The following IGF2BP3 variants were observed in gnomAD, a reference collection of about 807,000 sequenced individuals.
IGF2BP3 encodes the protein insulin like growth factor 2 mRNA binding protein 3.
Under a neutral mutation model 73.8 loss-of-function variants are expected in IGF2BP3, and 9 were observed. The ratio of observed to expected loss-of-function variants is 0.12; its 90% CI spans 0.07 to 0.21. IGF2BP3 has a LOEUF of 0.21. IGF2BP3 is among the 10% of genes least tolerant of loss of function. The probability of loss-of-function intolerance (pLI) is 1.00; values close to 1 mark genes in which losing one functional copy is unlikely to be tolerated. For missense variants in IGF2BP3, 542 were observed against 714.0 expected (o/e 0.76, Z 2.75); for synonymous variants, 258 against 256.7 (o/e 1.01, Z -0.05).
intron 3 of IGF2BP3, among the ~76,000 whole-genome samples, chr7:23,367,974 T>C (rs1293442334): frequency 6.6e-6 from 1 of 151,828 alleles, no homozygotes; most frequent in East Asian, 1.9e-4. Flanking sequence ...CACTCCAGCC[T>C]GGGCAACAGA....
chr7:23,357,744 A>C (rs1785130852), intron 5 of IGF2BP3, among the ~76,000 whole-genome samples: 1 of 152,262 alleles, frequency 6.6e-6, no homozygotes, highest in Non-Finnish European at 1.5e-5. Flanking sequence ...TAAAATGAAC[A>C]CATGTATTAA....
At chr7:23,460,460 A>C (rs2128551234) in intron 2 of IGF2BP3, among the ~76,000 whole-genome samples, 1 of 151,478 alleles carries the variant, frequency 6.6e-6, no homozygotes, top group Admixed American at 6.6e-5. Flanking sequence ...TGAACTCAGG[A>C]GGCAGAGGTT....
At chr7:23,374,788 C>T (rs956053522) in intron 3 of IGF2BP3, among the ~76,000 whole-genome samples, 1 of 152,046 alleles carries the variant, frequency 6.6e-6, no homozygotes, top group East Asian at 1.9e-4. Flanking sequence ...TCTATATTCC[C>T]TAAGTGTCGG....
At chr7:23,455,900 T>A (rs1788305864) in intron 2 of IGF2BP3, among the ~76,000 whole-genome samples, 1 of 152,100 alleles carries the variant, frequency 6.6e-6, no homozygotes, top group South Asian at 2.1e-4. Context: ...TTAGCCAGGA[T>A]GGTCTCAATC....
intron 2 of IGF2BP3, among the ~76,000 whole-genome samples, chr7:23,457,280 A>G (rs1458319685): frequency 1.3e-5 from 2 of 152,012 alleles, no homozygotes; most frequent in Non-Finnish European, 2.9e-5. Flanking sequence ...CCTGGCCAAC[A>G]TGGCAAAACT....
At position 23,311,506 on chromosome 7, in the gene IGF2BP3, A is replaced by C. The variant is rs1456775694; in HGVS notation, c.*856T>G. ...ACCGTCAAAAACTTTCCCAACTATA[A>C]ATGAAAGAATAAATGGTAGTGCTGC... On this transcript the variant is annotated 3_prime_UTR_variant, in exon 15 of 15. Coordinates refer to ENST00000258729, the MANE Select transcript of IGF2BP3 (RefSeq NM_006547.3). 2 of 152,398 alleles carry C rather than the reference A, an allele frequency of 1.3e-5. No homozygotes were observed. The highest frequency in any genetic ancestry group is 3.9e-4 in the East Asian group (2 of 5,190). 9.4% of individuals were successfully genotyped at this position (152,398 alleles called of 1,614,324 possible).
At chr7:23,463,897 A>G (rs1788504977) in intron 2 of IGF2BP3, among the ~76,000 whole-genome samples, 2 of 152,220 alleles carry the variant, frequency 1.3e-5, no homozygotes, top group Non-Finnish European at 2.9e-5. Context: ...CTGATCTTAA[A>G]CTGAGCACTT....
At chr7:23,343,570 C>T in intron 9 of IGF2BP3, 148 bp downstream of exon 9, 1 of 702,636 alleles carries the variant, frequency 1.4e-6, no homozygotes, top group Non-Finnish European at 2.4e-6. Context: ...ATCTTCCCTA[C>T]TATCCCAGGG....
chr7:23,364,247 G>A (rs555760349), intron 3 of IGF2BP3, among the ~76,000 whole-genome samples: 8 of 152,094 alleles, frequency 5.3e-5, no homozygotes, highest in South Asian at 4.2e-4. Context: ...GGTGGTGCGC[G>A]CTTGTAGTCC....
chr7:23,393,502 C>G (rs1477555722), intron 3 of IGF2BP3, among the ~76,000 whole-genome samples: 3 of 152,084 alleles, frequency 2.0e-5, no homozygotes, highest in African/African-American at 7.2e-5. Flanking sequence ...CAATTCTGAA[C>G]CCTACTCTAA....
intron 10 of IGF2BP3, among the ~76,000 whole-genome samples, chr7:23,334,307 G>A (rs1784518000): frequency 6.6e-6 from 1 of 152,106 alleles, no homozygotes; most frequent in African/African-American, 2.4e-5. Context: ...CAGAGCCTGG[G>A]CAACAGAGCG....
intron 5 of IGF2BP3, among the ~76,000 whole-genome samples, chr7:23,352,490 T>C (rs961781702): frequency 3.6e-4 from 55 of 152,250 alleles, no homozygotes; most frequent in African/African-American, 1.3e-3. Context: ...GGTTTCACCA[T>C]GTTGGCCAGG....
chr7:23,377,595 T>G (rs1055566659), intron 3 of IGF2BP3, among the ~76,000 whole-genome samples: 2 of 152,224 alleles, frequency 1.3e-5, no homozygotes, highest in Admixed American at 6.5e-5. Context: ...TACCATATGA[T>G]CTAGCAATTC....
chr7:23,445,521 CTACTTT>C (rs1415387217), intron 2 of IGF2BP3, among the ~76,000 whole-genome samples: 1 of 151,950 alleles, frequency 6.6e-6, no homozygotes, highest in African/African-American at 2.4e-5. Flanking sequence ...CTAAGTAAAA[CTACTTT>C]TACTTAGTTC....
chr7:23,356,961 C>A (rs147287611), intron 5 of IGF2BP3, among the ~76,000 whole-genome samples: 1 of 152,106 alleles, frequency 6.6e-6, no homozygotes, highest in African/African-American at 2.4e-5. Context: ...TATAAATACA[C>A]TGAATGAAAA....
At chr7:23,353,144 C>T (rs573259019) in intron 5 of IGF2BP3, among the ~76,000 whole-genome samples, 28 of 152,264 alleles carry the variant, frequency 1.8e-4, no homozygotes, top group Non-Finnish European at 3.4e-4. Context: ...AGATTCTGTT[C>T]CAATGGCCCT....
intron 3 of IGF2BP3, among the ~76,000 whole-genome samples, chr7:23,392,433 C>CATAT (rs141882109): frequency 0.066 from 9,316 of 141,738 alleles, 336 homozygotes; most frequent in Non-Finnish European, 0.079. Context: ...AGCTTATCAT[C>CATAT]ATATATATAT....
chr7:23,360,576 T>A (rs981173160), intron 5 of IGF2BP3, among the ~76,000 whole-genome samples: 13 of 152,234 alleles, frequency 8.5e-5, no homozygotes, highest in African/African-American at 2.9e-4. Context: ...ACAAATAAAG[T>A]TCCATTTACC....
intron 2 of IGF2BP3, among the ~76,000 whole-genome samples, chr7:23,461,130 T>G (rs1299605671): frequency 6.6e-6 from 1 of 152,142 alleles, no homozygotes; most frequent in Non-Finnish European, 1.5e-5. Flanking sequence ...TACATCACTC[T>G]CGGTGGTATT....
Sources: gnomAD v4.1 joint callset for allele counts (sites outside exome capture counted in the v4.1 genomes callset) on GRCh38, gnomAD v4.1.1 for gene constraint, MANE v1.5 for transcripts, NCBI Gene and HGNC (gene_info 2026-07-23, HGNC 2026-07-21) for gene names.